Variants in NELL1 observed in about 807,000 individuals in gnomAD.
The protein encoded by NELL1 is protein kinase C-binding protein NELL1.
Under a neutral mutation model 107.4 loss-of-function variants are expected in NELL1, and 76 were observed. The ratio of observed to expected loss-of-function variants is 0.71; its 90% CI spans 0.59 to 0.86. The LOEUF is 0.86. Ranked by LOEUF, NELL1 falls within the 40% of genes least tolerant of loss-of-function variation. The pLI is 0.00. For missense variants in NELL1, 1,024 were observed against 1,005.5 expected (o/e 1.02, Z -0.25); for synonymous variants, 353 against 341.2 (o/e 1.03, Z -0.38).
intron 5 of NELL1, among the ~76,000 whole-genome samples, chr11:20,903,566 A>C (rs1849925573): frequency 6.6e-6 from 1 of 152,028 alleles, no homozygotes; most frequent in Non-Finnish European, 1.5e-5. Flanking sequence ...ATATGTGTTG[A>C]TGGCCTAGAT....
intron 12 of NELL1, among the ~76,000 whole-genome samples, chr11:20,972,101 G>A (rs117755150): frequency 2.0e-5 from 3 of 152,154 alleles, no homozygotes; most frequent in Non-Finnish European, 4.4e-5. Context: ...AAACCTAGAC[G>A]ATGGGTTGAT....
chr11:21,401,353 C>CTA (rs1852093555), intron 15 of NELL1, among the ~76,000 whole-genome samples: 1 of 151,540 alleles, frequency 6.6e-6, no homozygotes. Context: ...ATTGGGAAGA[C>CTA]TTTATTTGTT....
chr11:21,102,435 T>C (rs920841744), intron 12 of NELL1, among the ~76,000 whole-genome samples: 1 of 152,198 alleles, frequency 6.6e-6, no homozygotes, highest in South Asian at 2.1e-4. Context: ...GAGCCAGGTC[T>C]GCCTGGATTT....
intron 12 of NELL1, among the ~76,000 whole-genome samples, chr11:21,020,972 G>A (rs1254613051): frequency 6.7e-6 from 1 of 150,232 alleles, no homozygotes; most frequent in African/African-American, 2.5e-5. Context: ...AATCCTTCCT[G>A]GTAAGGAGGG....
At chr11:20,982,087 T>A (rs889439095) in intron 12 of NELL1, among the ~76,000 whole-genome samples, 5 of 152,134 alleles carry the variant, frequency 3.3e-5, no homozygotes, top group Non-Finnish European at 7.4e-5. Context: ...GTAATCCCAG[T>A]GGATCTAGCA....
chr11:21,546,601 AC>A (rs1451619313), intron 16 of NELL1, among the ~76,000 whole-genome samples: 1 of 151,688 alleles, frequency 6.6e-6, no homozygotes, highest in Non-Finnish European at 1.5e-5. Flanking sequence ...CCCTGCACAC[AC>A]TCTATTGCCT....
chr11:21,148,724 G>T (rs572112084), intron 13 of NELL1, among the ~76,000 whole-genome samples: 3 of 152,312 alleles, frequency 2.0e-5, no homozygotes, highest in African/African-American at 2.4e-5. Flanking sequence ...GGACCAGGGA[G>T]AATTTTACTT....
chr11:21,146,031 T>C (rs2133778441), intron 13 of NELL1, among the ~76,000 whole-genome samples: 1 of 152,248 alleles, frequency 6.6e-6, no homozygotes, highest in Admixed American at 6.5e-5. Flanking sequence ...CCTTGGACAA[T>C]ATAAGTGAAG....
chr11:21,252,444 T>G (rs529263281), intron 14 of NELL1, among the ~76,000 whole-genome samples: 1 of 152,272 alleles, frequency 6.6e-6, no homozygotes, highest in African/African-American at 2.4e-5. Flanking sequence ...AAGTTGTGCC[T>G]GACACTCCCG....
chr11:21,247,838 T>G (rs980095591), intron 14 of NELL1, among the ~76,000 whole-genome samples: 1 of 152,206 alleles, frequency 6.6e-6, no homozygotes, highest in Admixed American at 6.6e-5. Context: ...AAACATGTGA[T>G]TGATGCACTG....
At chr11:21,068,032 CAA>C (rs1195285619) in intron 12 of NELL1, among the ~76,000 whole-genome samples, 107 of 40,338 alleles carry the variant, frequency 2.7e-3, no homozygotes, top group Non-Finnish European at 2.8e-3. Context: ...GATGCCATCT[CAA>C]AAAAAAAAAA....
At chr11:20,801,349 G>A (rs1003988041) in intron 3 of NELL1, among the ~76,000 whole-genome samples, 1 of 152,160 alleles carries the variant, frequency 6.6e-6, no homozygotes, top group Non-Finnish European at 1.5e-5. Flanking sequence ...ATACAAAATG[G>A]CAGAGCCAGA....
intron 15 of NELL1, among the ~76,000 whole-genome samples, chr11:21,378,283 ATATT>A (rs201504683): frequency 0.078 from 11,264 of 144,362 alleles, 536 homozygotes; most frequent in East Asian, 0.12. Flanking sequence ...ATATATATAT[ATATT>A]ATAGATAATC....
At chr11:21,161,821 A>T (rs925781320) in intron 13 of NELL1, among the ~76,000 whole-genome samples, 1 of 151,986 alleles carries the variant, frequency 6.6e-6, no homozygotes, top group Non-Finnish European at 1.5e-5. Flanking sequence ...TTTTATACTT[A>T]TAGCACATCT....
chr11:21,472,285 C>T (rs189083028), intron 15 of NELL1, among the ~76,000 whole-genome samples: 44 of 152,124 alleles, frequency 2.9e-4, no homozygotes, highest in African/African-American at 9.9e-4. Context: ...CCTCCTCTGC[C>T]TCCAGCTCAG....
intron 15 of NELL1, among the ~76,000 whole-genome samples, chr11:21,379,840 C>T (rs1175656903): frequency 6.6e-6 from 1 of 152,046 alleles, no homozygotes; most frequent in Non-Finnish European, 1.5e-5. Context: ...CTTCTGTGCT[C>T]TTTCATATTT....
intron 14 of NELL1, among the ~76,000 whole-genome samples, chr11:21,247,724 T>C (rs1041206402): frequency 3.3e-5 from 5 of 152,220 alleles, no homozygotes; most frequent in African/African-American, 1.2e-4. Context: ...ACCAGTAACA[T>C]AGCTGTTTGT....
chr11:21,408,591 C>T (rs549116862), intron 15 of NELL1, among the ~76,000 whole-genome samples: 15 of 152,026 alleles, frequency 9.9e-5, no homozygotes, highest in Non-Finnish European at 2.1e-4. Context: ...GAGTAGGTTG[C>T]GAAAATTTTC....
intron 12 of NELL1, among the ~76,000 whole-genome samples, chr11:20,998,463 A>G (rs1306221251): frequency 6.6e-6 from 1 of 152,082 alleles, no homozygotes. Context: ...CTTAGTTTAC[A>G]ATTTTTTTTT....
Sources: allele counts gnomAD v4.1 joint callset (sites outside exome capture counted in the v4.1 genomes callset), GRCh38; gene constraint gnomAD v4.1.1; transcripts MANE v1.5; gene names NCBI Gene and HGNC (gene_info 2026-07-23, HGNC 2026-07-21).